Variants in CNTRL observed in about 807,000 individuals in gnomAD.
CNTRL encodes the protein centriolin.
A neutral mutation model predicts 303.7 loss-of-function variants in CNTRL; 233 were observed. That is an observed-to-expected ratio of 0.77 (90% CI 0.69 to 0.86). The LOEUF (loss-of-function observed/expected upper bound fraction) is 0.86. Among genes scored for constraint, CNTRL ranks in the 40% least tolerant of loss-of-function variants. CNTRL has a pLI of 0.00. For missense variants in CNTRL, 2,524 were observed against 2,650.6 expected (o/e 0.95, Z 1.05); for synonymous variants, 900 against 922.2 (o/e 0.98, Z 0.44).
chr9:121,177,175 TCAGC>T lies in CNTRL; in HGVS notation c.6971_6974del (p.Ala2324AspfsTer8). ...TGTCTTACTGTAGGAAAAGAATGCC[TCAGC>T]CAGATGAGGAATACTGTCTTGTGTA... On this transcript the variant is annotated frameshift_variant, in exon 44 of 44. Transcript: ENST00000373855. LOFTEE classifies it high-confidence loss of function. 1 of 1,611,296 alleles carries T rather than the reference TCAGC, an allele frequency of 6.2e-7. No homozygotes were observed.
At chr9:121,151,384 C>CTTT (rs200247383) in intron 25 of CNTRL, among the ~76,000 whole-genome samples, 1,550 of 90,848 alleles carry the variant, frequency 0.017, 114 homozygotes, top group African/African-American at 0.039. Flanking sequence ...CTTTTTTCTT[C>CTTT]TTCTTTTTTT....
intron 14 of CNTRL, among the ~76,000 whole-genome samples, chr9:121,126,510 T>G (rs1263602599): frequency 2.6e-5 from 4 of 152,182 alleles, no homozygotes; most frequent in Non-Finnish European, 5.9e-5. Flanking sequence ...AATTAATATA[T>G]TTTAATATTA....
At chr9:121,133,843 A>G (rs1170792035) in intron 14 of CNTRL, among the ~76,000 whole-genome samples, 1 of 152,228 alleles carries the variant, frequency 6.6e-6, no homozygotes, top group Admixed American at 6.5e-5. Flanking sequence ...CCATTTGGAA[A>G]TCAGTTGTAG....
At chr9:121,141,317 A>G (rs1409803349) in intron 17 of CNTRL, 64 bp from the exon 18 acceptor site, 2 of 1,269,810 alleles carry the variant, frequency 1.6e-6, no homozygotes, top group Non-Finnish European at 2.3e-6. Context: ...AGTTAATAGC[A>G]TGTTTGCAGC....
chr9:121,162,255 T>C lies in CNTRL; in HGVS notation c.5407T>C (p.Leu1803=). The change falls in exon 34 of 44, where the codon TTG becomes CTG. Residue 1803 remains leucine, a synonymous_variant. Coordinates refer to ENST00000373855, the MANE Select transcript of CNTRL (RefSeq NM_007018.6). The part of the protein sequence containing the change: ...QEKCDIWEKK[L]AQTKRVLAAA... The stretch of plus-strand genomic sequence containing the variant: ...GAAATGTGACATTTGGGAAAAAAAG[T>C]TGGCACAAACCAAAAGGTGAGAGCA... 3 of 1,613,926 alleles carry C rather than the reference T, an allele frequency of 1.9e-6. No homozygotes were observed. The highest frequency in any genetic ancestry group is 2.2e-5 in the East Asian group (1 of 44,874).
At chr9:121,176,305 G>T (rs925179683) in intron 43 of CNTRL, among the ~76,000 whole-genome samples, 3 of 152,200 alleles carry the variant, frequency 2.0e-5, no homozygotes, top group Admixed American at 6.5e-5. Context: ...GAGCCACAAG[G>T]AGCTTTCAAG....
Position 121,091,986 on chromosome 9 carries a change from G to A in CNTRL, c.348+1581G>A, listed in dbSNP as rs141409883. Among the ~76,000 whole-genome samples the A allele has an allele frequency of 7.1e-3, 1,002 of 141,318 alleles. 17 individuals carry two copies. The highest frequency in any genetic ancestry group is 0.025 in the African/African-American group (939 of 38,284). 92.7% of individuals were successfully genotyped at this position (141,318 alleles called of 152,430 possible). On this transcript the variant is annotated intron_variant, in intron 4 of 43. Coordinates refer to ENST00000373855, the MANE Select transcript of CNTRL (RefSeq NM_007018.6). ...ACAATTAGTCACCCTCTCCTCAGTC[G>A]CACTCTCATTCTTTTAGTCAACAAG...
chr9:121,128,144 C>A (rs1324072509), intron 14 of CNTRL, among the ~76,000 whole-genome samples: 1 of 152,094 alleles, frequency 6.6e-6, no homozygotes, highest in Non-Finnish European at 1.5e-5. Flanking sequence ...ATTTATAATC[C>A]TTTGGGTATA....
intron 13 of CNTRL, 29 bp from the exon 14 acceptor site, chr9:121,125,665 AATGCAGTACTTTAAAAAGATAT>A: frequency 6.9e-7 from 1 of 1,456,344 alleles, no homozygotes; most frequent in East Asian, 2.3e-5. Flanking sequence ...CTGAGCAGAC[AATGCAGTACTTTAAAAAGATAT>A]ATTATTACCC....
chr9:121,129,851 TTG>T (rs2133685568), intron 14 of CNTRL, among the ~76,000 whole-genome samples: 2 of 152,326 alleles, frequency 1.3e-5, no homozygotes, highest in South Asian at 4.1e-4. Context: ...TGAAGGGCAA[TTG>T]AAGTTTGTTG....
rs553824737 is a variant in CNTRL, at chr9:121,080,995, A to G, written c.-32+517A>G. On this transcript the variant is annotated intron_variant, in intron 2 of 43. Coordinates refer to ENST00000373855, the MANE Select transcript of CNTRL (RefSeq NM_007018.6). The stretch of plus-strand genomic sequence containing the variant: ...GGATTAGTGAAGTGTGGACAGCTGT[A>G]TAGAAATAGGATTGGACAAAATGGG... Among the ~76,000 whole-genome samples, 17 of 152,366 alleles carry G rather than the reference A, an allele frequency of 1.1e-4. No individual in the cohort carries two copies. In the South Asian group the frequency reaches 2.9e-3, roughly 26 times the overall value.
chr9:121,143,940 T>G lies in CNTRL; in HGVS notation c.2909T>G (p.Phe970Cys). The change falls in exon 20 of 44, where the codon TTT becomes TGT. Residue 970 changes from phenylalanine (F) to cysteine (C), a missense_variant. Physicochemically the swap from Phe to Cys is radical, Grantham distance 205. Transcript: ENST00000373855. ...LEDAKSQEQVFGLDKELKKLK... is the reference protein window; with the variant it reads ...LEDAKSQEQVCGLDKELKKLK... ...GATGCCAAATCTCAGGAGCAAGTTT[T>G]TGGTTTAGATAAAGAACTGAAGAAA... The G allele has an allele frequency of 1.9e-6, 3 of 1,605,058 alleles. No homozygotes were observed. The highest frequency in any genetic ancestry group is 2.5e-6 in the Non-Finnish European group (3 of 1,177,602).
Position 121,135,516 on chromosome 9 carries a change from C to T in CNTRL, c.2026-290C>T, listed in dbSNP as rs182792864. 1.4e-3 allele frequency among the ~76,000 whole-genome samples: 212 copies of T among 152,048 alleles called. 3 individuals are homozygous for T. The highest frequency in any genetic ancestry group is 2.7e-3 in the East Asian group (14 of 5,188). ...TCTTATCCTACTCTTTTTTTCCTTC[C>T]TTTCTTCCTCCTTATGTTTTTAGAC... On this transcript the variant is annotated intron_variant, in intron 14 of 43. Coordinates refer to ENST00000373855, the MANE Select transcript of CNTRL (RefSeq NM_007018.6).
chr9:121,177,063 A>C (rs2053557576), intron 43 of CNTRL, 100 bp from the exon 44 acceptor site: 3 of 959,436 alleles, frequency 3.1e-6, no homozygotes, highest in Non-Finnish European at 4.9e-6. Flanking sequence ...AGAGGTACTC[A>C]AATATGTCAT....
chr9:121,141,463 T>G lies in CNTRL; in HGVS notation c.2566T>G (p.Trp856Gly). The G allele has an allele frequency of 6.2e-7, 1 of 1,613,828 alleles. No individual in the cohort carries two copies. The change falls in exon 18 of 44, where the codon TGG (tryptophan) becomes GGG (glycine). Residue 856 changes from tryptophan to glycine, a missense_variant. By Grantham distance (184) the Trp-to-Gly change is radical. Transcript: ENST00000373855. Reference protein sequence around the residue: ...QFSEILARSKWERDEAQVRER... With the variant: ...QFSEILARSKGERDEAQVRER... ...CAGTGAAATTCTTGCACGCTCCAAGTGGGAAAGAGATGAAGCACAAGTTAG... is the reference window on the plus strand; with the variant it reads ...CAGTGAAATTCTTGCACGCTCCAAGGGGGAAAGAGATGAAGCACAAGTTAG...
chr9:121,174,319 G>A (rs2053436380), intron 42 of CNTRL, among the ~76,000 whole-genome samples: 1 of 152,170 alleles, frequency 6.6e-6, no homozygotes, highest in Non-Finnish European at 1.5e-5. Flanking sequence ...AGAGAGTGCA[G>A]TGCTATAGTA....
At position 121,086,878 on chromosome 9, in the gene CNTRL, C is replaced by T. The variant is rs144963705; in HGVS notation, c.-31-1418C>T. On this transcript the variant is annotated intron_variant, in intron 2 of 43. Coordinates refer to ENST00000373855, the MANE Select transcript of CNTRL (RefSeq NM_007018.6). ...ATGTTGGCCAGGCTGGTCTCAAACT[C>T]CTGACCTCAGATGATCCACCTGACT... is the stretch of plus-strand genomic sequence containing the variant. Among the ~76,000 whole-genome samples the T allele has an allele frequency of 8.6e-3, 1,307 of 152,208 alleles. 22 individuals are homozygous for T. The highest frequency in any genetic ancestry group is 0.03 in the African/African-American group (1,232 of 41,516).
At chr9:121,158,710 C>T in intron 30 of CNTRL, 145 bp from the exon 31 acceptor site, 3 of 727,908 alleles carry the variant, frequency 4.1e-6, no homozygotes, top group South Asian at 1.8e-5. Context: ...GGCATTTCAC[C>T]CTTGCACTCC....
At chr9:121,081,117 G>T (rs1423899738) in intron 2 of CNTRL, among the ~76,000 whole-genome samples, 1 of 152,148 alleles carries the variant, frequency 6.6e-6, no homozygotes, top group African/African-American at 2.4e-5. Context: ...TTCCTCCTGG[G>T]TATTGGGTAG....
Sources: allele counts gnomAD v4.1 joint callset (sites outside exome capture counted in the v4.1 genomes callset), GRCh38; gene constraint gnomAD v4.1.1; transcripts MANE v1.5; gene names NCBI Gene and HGNC (gene_info 2026-07-23, HGNC 2026-07-21).